Variants in XKR4 observed in about 807,000 individuals in gnomAD.
XKR4 encodes the protein XK related 4.
Under a neutral mutation model 53.9 loss-of-function variants are expected in XKR4, and 12 were observed. The observed-to-expected ratio is 0.22, with a 90% confidence interval of 0.14 to 0.36. The LOEUF (loss-of-function observed/expected upper bound fraction) is 0.36. Among genes scored for constraint, XKR4 ranks in the 10% least tolerant of loss-of-function variants. The probability of loss-of-function intolerance (pLI) is 1.00; values close to 1 mark genes in which losing one functional copy is unlikely to be tolerated. For synonymous variants in XKR4, 354 were observed against 362.4 expected, an observed-to-expected ratio of 0.98 and a Z score of 0.26; for missense variants, 799 against 859.5, an observed-to-expected ratio of 0.93 and a Z score of 0.88.
chr8:55,455,194 A>C, intron 2 of XKR4: 1 of 470,972 alleles, frequency 2.1e-6, no homozygotes, highest in South Asian at 1.8e-5. Flanking sequence ...CTGCGCGCTC[A>C]TGGCCCGGGC....
intron 1 of XKR4, among the ~76,000 whole-genome samples, chr8:55,183,890 T>A (rs532310203): frequency 1.3e-5 from 2 of 152,308 alleles, no homozygotes. Flanking sequence ...CCTATTAGTG[T>A]TCTCTTTATG....
At chr8:55,496,316 G>A (rs1195337881) in intron 2 of XKR4, among the ~76,000 whole-genome samples, 1 of 152,048 alleles carries the variant, frequency 6.6e-6, no homozygotes, top group African/African-American at 2.4e-5. Flanking sequence ...CCTGGACCAG[G>A]GTCTGATAAT....
At chr8:55,166,155 G>A (rs1817062495) in intron 1 of XKR4, among the ~76,000 whole-genome samples, 1 of 152,138 alleles carries the variant, frequency 6.6e-6, no homozygotes, top group South Asian at 2.1e-4. Flanking sequence ...CCCAAATTGT[G>A]GCCCAATAAA....
chr8:55,524,560 G>A lies in XKR4; in HGVS notation c.*333G>A. On this transcript the variant is annotated 3_prime_UTR_variant, in exon 3 of 3. Coordinates refer to ENST00000327381, the MANE Select transcript of XKR4 (RefSeq NM_052898.2). ...TTGCCTCCAATCATTAGGGTGTCTT[G>A]ATGGCGTTAACTGATCTTTCCATAA... 1 of 294,876 alleles carries A rather than the reference G, an allele frequency of 3.4e-6. No individual in the cohort carries two copies. Among genetic ancestry groups the A allele is most frequent in the African/African-American group, 2.1e-5 (1 of 47,052 alleles). 18.3% of individuals were successfully genotyped at this position (294,876 alleles called of 1,614,324 possible). A position where few individuals can be genotyped will look rare whatever the true frequency, so the allele number is the denominator to read the frequency against.
chr8:55,141,838 C>T (rs149756973), intron 1 of XKR4, among the ~76,000 whole-genome samples: 68 of 152,060 alleles, frequency 4.5e-4, no homozygotes, highest in African/African-American at 1.6e-3. Context: ...TGAATTGGGG[C>T]TTTGAATCAA....
In XKR4 at chr8:55,429,220, G is replaced by A. The variant is rs138760485; in HGVS notation, c.1006+71343G>A. ...TGCTGGAGCAACTGGACATTCATAG[G>A]CAATAACAAACAAAAACCTTCAGCC... On this transcript the variant is annotated intron_variant, in intron 2 of 2. Coordinates refer to ENST00000327381, the MANE Select transcript of XKR4 (RefSeq NM_052898.2). 4.2e-3 allele frequency among the ~76,000 whole-genome samples: 635 copies of A among 152,240 alleles called. 5 individuals are homozygous for A. Among genetic ancestry groups the A allele is most frequent in the African/African-American group, 0.012 (482 of 41,554 alleles).
chr8:55,475,195 A>T (rs1805959674), intron 2 of XKR4, among the ~76,000 whole-genome samples: 1 of 152,106 alleles, frequency 6.6e-6, no homozygotes, highest in East Asian at 1.9e-4. Context: ...CCATCAGTTC[A>T]TACAAAAGTA....
At chr8:55,310,399 G>C (rs1194343676) in intron 1 of XKR4, among the ~76,000 whole-genome samples, 1 of 152,052 alleles carries the variant, frequency 6.6e-6, no homozygotes, top group Non-Finnish European at 1.5e-5. Context: ...ATAGAACATT[G>C]TGAGTTTCAA....
chr8:55,499,876 C>A (rs1802920606), intron 2 of XKR4, among the ~76,000 whole-genome samples: 1 of 152,098 alleles, frequency 6.6e-6, no homozygotes, highest in Admixed American at 6.5e-5. Context: ...AGATTTTCCT[C>A]CAGTATGTGA....
intron 2 of XKR4, among the ~76,000 whole-genome samples, chr8:55,358,251 T>A (rs901018344): frequency 2.2e-4 from 34 of 152,174 alleles, no homozygotes; most frequent in African/African-American, 8.0e-4. Context: ...TACATATGTG[T>A]GTATGCATGT....
chr8:55,102,326 G>T lies in XKR4; in HGVS notation c.-163G>T. 1 of 982,008 alleles carries T rather than the reference G, an allele frequency of 1.0e-6. No individual in the cohort carries two copies. The highest frequency in any genetic ancestry group is 1.2e-6 in the Non-Finnish European group (1 of 805,810). The allele number at this position is 982,008 out of a possible 1,614,324, so 60.8% of individuals were successfully genotyped here. A position where few individuals can be genotyped will look rare whatever the true frequency, so the allele number is the denominator to read the frequency against. On this transcript the variant is annotated 5_prime_UTR_variant, in exon 1 of 3. Coordinates refer to ENST00000327381, the MANE Select transcript of XKR4 (RefSeq NM_052898.2). This position sits in a 1 kb window ranked among gnomAD's most constrained non-coding sequence, Gnocchi z 5.1. The stretch of plus-strand genomic sequence containing the variant: ...CGGCCCAGCGCCCAGCCCGGCGGGC[G>T]GCGGGCGGCGGCGGACGGCAGGCGA...
chr8:55,398,631 T>C (rs989424583), intron 2 of XKR4, among the ~76,000 whole-genome samples: 2 of 152,108 alleles, frequency 1.3e-5, no homozygotes, highest in African/African-American at 4.8e-5. Context: ...CTCTGGACCT[T>C]CACCTTTAAA....
At chr8:55,448,038 G>T (rs1218489420) in intron 2 of XKR4, among the ~76,000 whole-genome samples, 1 of 152,194 alleles carries the variant, frequency 6.6e-6, no homozygotes, top group Non-Finnish European at 1.5e-5. Context: ...AAGCTTGCTG[G>T]CAAGCAAACT....
intron 1 of XKR4, among the ~76,000 whole-genome samples, chr8:55,292,770 TCTA>T (rs1819048974): frequency 6.6e-6 from 1 of 152,202 alleles, no homozygotes; most frequent in South Asian, 2.1e-4. Context: ...AGTGTTTAGT[TCTA>T]CTAATTTTCC....
intron 2 of XKR4, among the ~76,000 whole-genome samples, chr8:55,498,322 G>A (rs547858638): frequency 6.6e-6 from 1 of 152,194 alleles, no homozygotes; most frequent in Non-Finnish European, 1.5e-5. Flanking sequence ...ACCTGGACAG[G>A]GCATGCAGGG....
chr8:55,159,125 C>T (rs1340101559), intron 1 of XKR4, among the ~76,000 whole-genome samples: 1 of 152,088 alleles, frequency 6.6e-6, no homozygotes, highest in Non-Finnish European at 1.5e-5. Context: ...GCATGTTTTC[C>T]ATTTGTTTGT....
chr8:55,273,299 A>G (rs1210410100), intron 1 of XKR4, among the ~76,000 whole-genome samples: 3 of 151,842 alleles, frequency 2.0e-5, no homozygotes, highest in Non-Finnish European at 4.4e-5. Flanking sequence ...AACTTAACTG[A>G]CTCCATCTTG....
At chr8:55,371,635 G>A (rs1170641034) in intron 2 of XKR4, among the ~76,000 whole-genome samples, 1 of 152,172 alleles carries the variant, frequency 6.6e-6, no homozygotes, top group African/African-American at 2.4e-5. Flanking sequence ...AAAACTCACT[G>A]GTGTGTTGGC....
At chr8:55,209,485 T>C (rs992548743) in intron 1 of XKR4, among the ~76,000 whole-genome samples, 3 of 152,190 alleles carry the variant, frequency 2.0e-5, no homozygotes, top group Non-Finnish European at 4.4e-5. Context: ...CACCTGATTT[T>C]ATTAAGACAC....
Sources: allele counts gnomAD v4.1 joint callset (sites outside exome capture counted in the v4.1 genomes callset), GRCh38; gene constraint gnomAD v4.1.1; non-coding constraint Gnocchi (gnomAD v3.1); transcripts MANE v1.5; gene names NCBI Gene and HGNC (gene_info 2026-07-23, HGNC 2026-07-21).